Variants in SCARB1 observed in about 807,000 individuals in gnomAD.
SCARB1 encodes CD36 and LIMPII analogous 1.
In SCARB1, 30 loss-of-function variants were observed where a neutral mutation model predicts 57.2. That is an observed-to-expected ratio of 0.52 (90% CI 0.39 to 0.71). The LOEUF (loss-of-function observed/expected upper bound fraction) is 0.71. SCARB1 is among the 30% of genes least tolerant of loss of function. The pLI is 0.00. For missense variants in SCARB1, 543 were observed against 671.2 expected, an observed-to-expected ratio of 0.81 and a Z score of 2.11; for synonymous variants, 249 against 268.3, an observed-to-expected ratio of 0.93 and a Z score of 0.70.
chr12:124,847,781 GGCTGGGA>G (rs910083974), intron 1 of SCARB1, among the ~76,000 whole-genome samples: 7 of 152,226 alleles, frequency 4.6e-5, no homozygotes, highest in African/African-American at 1.7e-4. Context: ...GTGACTGCCA[GGCTGGGA>G]GCTGGGGGAG....
intron 1 of SCARB1, among the ~76,000 whole-genome samples, chr12:124,832,655 C>G (rs759811350): frequency 1.3e-5 from 2 of 152,158 alleles, no homozygotes; most frequent in Non-Finnish European, 2.9e-5. Context: ...AATGTGCACC[C>G]CATATTTATA....
At chr12:124,825,479 G>A (rs1440074664) in intron 1 of SCARB1, among the ~76,000 whole-genome samples, 2 of 151,696 alleles carry the variant, frequency 1.3e-5, no homozygotes, top group Admixed American at 6.6e-5. Flanking sequence ...CAGACCAGCC[G>A]GGCCAACATG....
At chr12:124,838,024 G>A (rs781025366) in intron 1 of SCARB1, among the ~76,000 whole-genome samples, 4 of 152,226 alleles carry the variant, frequency 2.6e-5, no homozygotes, top group Admixed American at 6.5e-5. Flanking sequence ...GGCCCACAGC[G>A]GCCACCTCGA....
intron 1 of SCARB1, among the ~76,000 whole-genome samples, chr12:124,858,028 C>A (rs1480906160): frequency 6.6e-6 from 1 of 152,200 alleles, no homozygotes. Flanking sequence ...AGGACCTGAA[C>A]CAGGCCTTCG....
chr12:124,822,182 G>C lies in SCARB1; in HGVS notation c.127-4475C>G, dbSNP rs544496407. ...TGGCAGAGGACACAGCCTGTGCAAA[G>C]GCTGGGAAGCCTTTAAGAGCGTGAC... On this transcript the variant is annotated intron_variant, in intron 1 of 12. Coordinates refer to ENST00000261693, the MANE Select transcript of SCARB1 (RefSeq NM_005505.5). This position sits in a 1 kb window ranked among gnomAD's most constrained non-coding sequence, Gnocchi z 5.0. Among the ~76,000 whole-genome samples, 1 of 152,296 alleles carries C rather than the reference G, an allele frequency of 6.6e-6. No homozygotes were observed. Among genetic ancestry groups the C allele is most frequent in the African/African-American group, 2.4e-5 (1 of 41,570 alleles).
intron 1 of SCARB1, chr12:124,839,727 C>CAATATTTGAGATTTTCTGTTTTCT (rs1566236561): frequency 1.0e-4 from 9 of 87,856 alleles, no homozygotes; most frequent in African/African-American, 4.3e-4. Context: ...GCACCCTCAC[C>CAATATTTGAGATTTTCTGTTTTCT]CCAACGGCAC....
chr12:124,789,489 T>C lies in SCARB1; in HGVS notation c.1203-2032A>G, dbSNP rs1949645320. Among the ~76,000 whole-genome samples the C allele has an allele frequency of 6.6e-6, 1 of 151,958 alleles. No homozygotes were observed. Among genetic ancestry groups the C allele is most frequent in the Non-Finnish European group, 1.5e-5 (1 of 67,980 alleles). ...CGTGCAGACATGACTGCATCAAGGC[T>C]CTCAGATGGGGAGAGCGTCCTGGAA... is the stretch of plus-strand genomic sequence containing the variant. On this transcript the variant is annotated intron_variant, in intron 9 of 12. Transcript: ENST00000261693. This position sits in a 1 kb window ranked among gnomAD's most constrained non-coding sequence, Gnocchi z 4.4.
intron 9 of SCARB1, among the ~76,000 whole-genome samples, chr12:124,788,781 C>T (rs983766031): frequency 6.6e-6 from 1 of 152,192 alleles, no homozygotes; most frequent in Non-Finnish European, 1.5e-5. Context: ...ACCTCACGAC[C>T]CAGCAATTAC....
At chr12:124,828,880 C>T (rs11608336) in intron 1 of SCARB1, among the ~76,000 whole-genome samples, 51,318 of 152,028 alleles carry the variant, frequency 0.34, 9,466 homozygotes, top group Non-Finnish European at 0.43. Context: ...GCCAATTTGC[C>T]CAGACGAAGC....
At chr12:124,793,636 T>C (rs1276114052) in intron 9 of SCARB1, among the ~76,000 whole-genome samples, 1 of 136,956 alleles carries the variant, frequency 7.3e-6, no homozygotes, top group Non-Finnish European at 1.5e-5. Flanking sequence ...GAGCTTGCAG[T>C]GAGCCGAGAT....
intron 1 of SCARB1, among the ~76,000 whole-genome samples, chr12:124,843,298 G>T (rs1366478243): frequency 8.1e-6 from 1 of 123,280 alleles, no homozygotes; most frequent in Admixed American, 8.0e-5. Context: ...GATGGGGGGG[G>T]GGGTCTTACT....
chr12:124,844,736 C>T (rs1594372138), intron 1 of SCARB1, among the ~76,000 whole-genome samples: 1 of 152,252 alleles, frequency 6.6e-6, no homozygotes. Context: ...TGATCTCAGA[C>T]TTCCGGCCTC....
At chr12:124,778,623 C>T (rs780109585) in intron 12 of SCARB1, 37 bp from the exon 13 acceptor site, 1 of 1,409,464 alleles carries the variant, frequency 7.1e-7, no homozygotes, top group South Asian at 1.6e-5. Flanking sequence ...CCACCCACGC[C>T]CTGTCACCAA....
At position 124,810,928 on chromosome 12, in the gene SCARB1, C is replaced by T. The variant is rs935279410; in HGVS notation, c.727-639G>A. Reference sequence around the variant, plus strand: ...TGGTGATTTTTGCCACTCTGGGCACCGGTTGGGGTACGATTTGTCCCTAGC... The same window carrying T: ...TGGTGATTTTTGCCACTCTGGGCACTGGTTGGGGTACGATTTGTCCCTAGC... On this transcript the variant is annotated intron_variant, in intron 5 of 12. Transcript: ENST00000261693. This position sits in a 1 kb window ranked among gnomAD's most constrained non-coding sequence, Gnocchi z 4.0. Among the ~76,000 whole-genome samples the T allele has an allele frequency of 1.1e-4, 16 of 152,208 alleles. No homozygotes were observed. The highest frequency in any genetic ancestry group is 3.6e-4 in the African/African-American group (15 of 41,442).
chr12:124,855,895 A>G (rs1460517040), intron 1 of SCARB1, among the ~76,000 whole-genome samples: 2 of 152,246 alleles, frequency 1.3e-5, no homozygotes, highest in African/African-American at 2.4e-5. Context: ...GCAAATCGCC[A>G]CTGGGGCCAA....
intron 1 of SCARB1, chr12:124,821,291 C>T: frequency 1.3e-6 from 1 of 749,644 alleles, no homozygotes. Context: ...CACACGCAGC[C>T]TCAATTTCCC....
Position 124,778,233 on chromosome 12 carries a change from G to T in SCARB1, c.*354C>A, listed in dbSNP as rs546100832. 47 of 392,042 alleles carry T rather than the reference G, an allele frequency of 1.2e-4. No homozygotes were observed. Among genetic ancestry groups the T allele is most frequent in the African/African-American group, 9.3e-4 (45 of 48,574 alleles). 24.3% of individuals were successfully genotyped at this position (392,042 alleles called of 1,614,324 possible). On this transcript the variant is annotated 3_prime_UTR_variant, in exon 13 of 13. Coordinates refer to ENST00000261693, the MANE Select transcript of SCARB1 (RefSeq NM_005505.5). ...GGAAGCCTGGGCCCAACGGCTGAACGGGACAGGCCAGGCTCACCCGAGGAA... is the reference window on the plus strand; with the variant it reads ...GGAAGCCTGGGCCCAACGGCTGAACTGGACAGGCCAGGCTCACCCGAGGAA...
intron 1 of SCARB1, among the ~76,000 whole-genome samples, chr12:124,856,236 A>G (rs1274523610): frequency 1.3e-5 from 2 of 152,248 alleles, no homozygotes; most frequent in Non-Finnish European, 2.9e-5. Flanking sequence ...ATTTGCATGT[A>G]CAGACACACC....
intron 1 of SCARB1, among the ~76,000 whole-genome samples, chr12:124,846,031 A>T (rs151077552): frequency 2.6e-5 from 4 of 152,170 alleles, no homozygotes; most frequent in African/African-American, 9.6e-5. Context: ...GAAAGAAAGA[A>T]AGAAAGAAAT....
Sources: gnomAD v4.1 joint callset for allele counts (sites outside exome capture counted in the v4.1 genomes callset) on GRCh38, gnomAD v4.1.1 for gene constraint, Gnocchi (gnomAD v3.1) non-coding constraint, MANE v1.5 for transcripts, NCBI Gene and HGNC (gene_info 2026-07-23, HGNC 2026-07-21) for gene names.